The following SEPTIN9 variants were observed in gnomAD, a reference collection of about 807,000 sequenced individuals.
The protein encoded by SEPTIN9 is septin-9.
SEPTIN9 carries 13 observed loss-of-function variants against 56.6 expected under a neutral mutation model. The ratio of observed to expected loss-of-function variants is 0.23; its 90% CI spans 0.15 to 0.37. SEPTIN9 has a LOEUF of 0.37. SEPTIN9 is among the 10% of genes least tolerant of loss of function. The probability of loss-of-function intolerance (pLI) is 1.00; values close to 1 mark genes in which losing one functional copy is unlikely to be tolerated. For missense variants in SEPTIN9, 650 were observed against 823.1 expected, an observed-to-expected ratio of 0.79 and a Z score of 2.57; for synonymous variants, 332 against 334.1, an observed-to-expected ratio of 0.99 and a Z score of 0.07.
intron 3 of SEPTIN9, among the ~76,000 whole-genome samples, chr17:77,411,746 G>A (rs942734058): frequency 6.6e-6 from 1 of 152,120 alleles, no homozygotes; most frequent in African/African-American, 2.4e-5. Flanking sequence ...TGATTGAGAG[G>A]CTGCAACAGA....
In SEPTIN9 at chr17:77,499,239, C is replaced by A; in HGVS notation, c.*581C>A. 1 of 593,356 alleles carries A rather than the reference C, an allele frequency of 1.7e-6. No homozygotes were observed. The highest frequency in any genetic ancestry group is 3.4e-5 in the East Asian group (1 of 29,344). 36.8% of individuals were successfully genotyped at this position (593,356 alleles called of 1,614,324 possible). A position where few individuals can be genotyped will look rare whatever the true frequency, so the allele number is the denominator to read the frequency against. On this transcript the variant is annotated 3_prime_UTR_variant, in exon 12 of 12. Coordinates refer to ENST00000427177, the MANE Select transcript of SEPTIN9 (RefSeq NM_001113491.2). ...CCAGGGTCCCCTGCCACCGACTGCC[C>A]AGCCACTCCAAGCCCCCTGGCAGCT...
chr17:77,479,122 C>T (rs1305374261), intron 3 of SEPTIN9, among the ~76,000 whole-genome samples: 1 of 152,224 alleles, frequency 6.6e-6, no homozygotes, highest in Non-Finnish European at 1.5e-5. Context: ...CTTAACACCA[C>T]TGGACTGCAC....
Position 77,384,851 on chromosome 17 carries a change from A to G in SEPTIN9, c.77-17208A>G, listed in dbSNP as rs1008394381. ...TGTATGAACCTGTTTAAACACACAC[A>G]CACACACACACACACACACACACAC... On this transcript the variant is annotated intron_variant, in intron 2 of 11. Transcript: ENST00000427177. 1.4e-3 allele frequency among the ~76,000 whole-genome samples: 87 copies of G among 60,050 alleles called. 1 individual carries two copies. Among genetic ancestry groups the G allele is most frequent in the African/African-American group, 3.8e-3 (84 of 21,942 alleles). The allele number at this position is 60,050 out of a possible 152,430, so 39.4% of individuals were successfully genotyped here. A position where few individuals can be genotyped will look rare whatever the true frequency, so the allele number is the denominator to read the frequency against.
intron 2 of SEPTIN9, among the ~76,000 whole-genome samples, chr17:77,354,917 A>C (rs529923719): frequency 6.6e-6 from 1 of 152,172 alleles, no homozygotes; most frequent in African/African-American, 2.4e-5. Context: ...TTTTACAAGG[A>C]AACAGGCTCA....
At chr17:77,351,469 T>C (rs977444781) in intron 2 of SEPTIN9, among the ~76,000 whole-genome samples, 1 of 152,230 alleles carries the variant, frequency 6.6e-6, no homozygotes, top group African/African-American at 2.4e-5. Context: ...GAGTGGCTCC[T>C]GTCCCGGGCT....
At chr17:77,320,243 G>A in intron 2 of SEPTIN9, 1 of 1,611,382 alleles carries the variant, frequency 6.2e-7, no homozygotes, top group Non-Finnish European at 8.5e-7. Flanking sequence ...GGCTGAGAGA[G>A]GGAGGGCGAC....
In SEPTIN9 at chr17:77,429,124, A is replaced by G. The variant is rs61733275; in HGVS notation, c.721+26421A>G. On this transcript the variant is annotated intron_variant, in intron 3 of 11. Transcript: ENST00000427177. The surrounding 1 kb of genome is among the most constrained non-coding windows in gnomAD (Gnocchi z 5.2). ...GTGTCCTCCGGTGTGTGTGAGGCCA[A>G]GCTCCTGGGGTGGGGACTTGGGGGT... 17,369 of 471,538 alleles carry G rather than the reference A, an allele frequency of 0.037. 1,020 individuals are homozygous for G. Among genetic ancestry groups the G allele is most frequent in the East Asian group, 0.17 (2,441 of 14,382 alleles). The allele number at this position is 471,538 out of a possible 1,614,324, so 29.2% of individuals were successfully genotyped here. A position where few individuals can be genotyped will look rare whatever the true frequency, so the allele number is the denominator to read the frequency against.
Position 77,319,559 on chromosome 17 carries a change from T to G in SEPTIN9, c.76+12362T>G, listed in dbSNP as rs370236963. 6.6e-4 allele frequency: 697 copies of G among 1,055,442 alleles called. 12 individuals carry two copies. In the South Asian group the frequency reaches 0.025, roughly 37 times the overall value. The allele number at this position is 1,055,442 out of a possible 1,614,324, so 65.4% of individuals were successfully genotyped here. The stretch of plus-strand genomic sequence containing the variant: ...TAATGGGACGGAGGGGGGTGACTTC[T>G]CAGGGTTCCTCCTGGGCAGGTGCTC... On this transcript the variant is annotated intron_variant, in intron 2 of 11. Transcript: ENST00000427177. This position sits in a 1 kb window ranked among gnomAD's most constrained non-coding sequence, Gnocchi z 5.3.
rs547504326 is a variant in SEPTIN9 at position 77,283,674 on chromosome 17, A to G, written c.19+2120A>G. 8.8e-4 allele frequency among the ~76,000 whole-genome samples: 134 copies of G among 152,346 alleles called. 2 individuals carry two copies. The South Asian group carries it at 0.027, about 31-fold the overall frequency. Reference sequence around the variant, plus strand: ...CAGACCTGTATGTGGGCTTCAGAATAAACGGAATGACCATAATGTTGTTCC... The same window carrying G: ...CAGACCTGTATGTGGGCTTCAGAATGAACGGAATGACCATAATGTTGTTCC... On this transcript the variant is annotated intron_variant, in intron 1 of 11. Transcript: ENST00000427177.
chr17:77,378,161 G>A (rs993444771), intron 2 of SEPTIN9, among the ~76,000 whole-genome samples: 5 of 152,184 alleles, frequency 3.3e-5, no homozygotes, highest in Non-Finnish European at 7.3e-5. Flanking sequence ...GGACACCCCT[G>A]CAGTGACTGG....
intron 3 of SEPTIN9, among the ~76,000 whole-genome samples, chr17:77,480,458 G>A (rs954316622): frequency 1.2e-4 from 19 of 152,280 alleles, no homozygotes; most frequent in South Asian, 1.0e-3. Flanking sequence ...TCCTGAGTTC[G>A]GTTCTTGCCC....
chr17:77,316,900 G>A (rs996418781), intron 2 of SEPTIN9, among the ~76,000 whole-genome samples: 1 of 151,686 alleles, frequency 6.6e-6, no homozygotes, highest in African/African-American at 2.4e-5. Flanking sequence ...TTTTTCTCTT[G>A]TTTCTAAACT....
intron 3 of SEPTIN9, among the ~76,000 whole-genome samples, chr17:77,439,217 G>C (rs1194960576): frequency 6.6e-6 from 1 of 152,156 alleles, no homozygotes; most frequent in Non-Finnish European, 1.5e-5. Flanking sequence ...TTGGGGAGGA[G>C]GGTTGGAGGG....
intron 2 of SEPTIN9, among the ~76,000 whole-genome samples, chr17:77,378,443 T>A (rs2143947040): frequency 6.6e-6 from 1 of 152,296 alleles, no homozygotes; most frequent in Admixed American, 6.5e-5. Context: ...ATGCAGCCCA[T>A]GGCGCTGAGC....
intron 2 of SEPTIN9, among the ~76,000 whole-genome samples, chr17:77,328,779 G>GAA (rs1359858148): frequency 6.6e-6 from 1 of 152,204 alleles, no homozygotes; most frequent in Non-Finnish European, 1.5e-5. Context: ...TTAACAGTTG[G>GAA]AACTGAGAGG....
rs1190040207 is a variant in SEPTIN9, at chr17:77,310,708, A to G, written c.76+3511A>G. 1.3e-5 allele frequency among the ~76,000 whole-genome samples: 2 copies of G among 152,066 alleles called. No individual in the cohort carries two copies. Among genetic ancestry groups the G allele is most frequent in the Non-Finnish European group, 2.9e-5 (2 of 68,010 alleles). On this transcript the variant is annotated intron_variant, in intron 2 of 11. Coordinates refer to ENST00000427177, the MANE Select transcript of SEPTIN9 (RefSeq NM_001113491.2). The surrounding 1 kb of genome is among the most constrained non-coding windows in gnomAD (Gnocchi z 4.7). ...CATGTTCGCTCATTTTCTGTGCCTCAGGCAGCCGCCTCTCTGACTGAGCGT... is the reference window on the plus strand; with the variant it reads ...CATGTTCGCTCATTTTCTGTGCCTCGGGCAGCCGCCTCTCTGACTGAGCGT...
Position 77,451,397 on chromosome 17 carries a change from G to A in SEPTIN9, c.722-30747G>A, listed in dbSNP as rs148593801. 1.3e-4 allele frequency: 126 copies of A among 985,580 alleles called. No individual in the cohort carries two copies. In the Admixed American group the frequency reaches 1.9e-3, roughly 15 times the overall value. The allele number at this position is 985,580 out of a possible 1,614,324, so 61.1% of individuals were successfully genotyped here. A position where few individuals can be genotyped will look rare whatever the true frequency, so the allele number is the denominator to read the frequency against. ...CGAGGTCCCTCCCTACCTCTGCCCCGCGCTCTGGGAGGCTCCTTGTTCCGC... is the reference window on the plus strand; with the variant it reads ...CGAGGTCCCTCCCTACCTCTGCCCCACGCTCTGGGAGGCTCCTTGTTCCGC... On this transcript the variant is annotated intron_variant, in intron 3 of 11. Transcript: ENST00000427177. This position sits in a 1 kb window ranked among gnomAD's most constrained non-coding sequence, Gnocchi z 4.2.
chr17:77,393,499 A>G (rs1346491981), intron 2 of SEPTIN9, among the ~76,000 whole-genome samples: 2 of 152,202 alleles, frequency 1.3e-5, no homozygotes, highest in East Asian at 1.9e-4. Context: ...CAGCCCCCAC[A>G]GACACACACC....
chr17:77,450,868 G>C lies in SEPTIN9; in HGVS notation c.722-31276G>C. Reference sequence around the variant, plus strand: ...TCCCAGCCAGCAAGCACCTGGGGTAGAGGGGACAAACCCAGGTGGCTGTGT... The same window carrying C: ...TCCCAGCCAGCAAGCACCTGGGGTACAGGGGACAAACCCAGGTGGCTGTGT... On this transcript the variant is annotated intron_variant, in intron 3 of 11. Coordinates refer to ENST00000427177, the MANE Select transcript of SEPTIN9 (RefSeq NM_001113491.2). This position sits in a 1 kb window ranked among gnomAD's most constrained non-coding sequence, Gnocchi z 6.0. 1 of 944,374 alleles carries C rather than the reference G, an allele frequency of 1.1e-6. No homozygotes were observed. Among genetic ancestry groups the C allele is most frequent in the Non-Finnish European group, 1.3e-6 (1 of 792,424 alleles). 58.5% of individuals were successfully genotyped at this position (944,374 alleles called of 1,614,324 possible).
Sources: gnomAD v4.1 joint callset for allele counts (sites outside exome capture counted in the v4.1 genomes callset) on GRCh38, gnomAD v4.1.1 for gene constraint, Gnocchi (gnomAD v3.1) non-coding constraint, MANE v1.5 for transcripts, NCBI Gene and HGNC (gene_info 2026-07-23, HGNC 2026-07-21) for gene names.